Variants in DUSP29 observed in about 807,000 individuals in gnomAD.
DUSP29 encodes the protein dual specificity phosphatase 29, also known as atypical dual-specific protein phosphatase.
Under a neutral mutation model 13.5 loss-of-function variants are expected in DUSP29, and 12 were observed. That is an observed-to-expected ratio of 0.89 (90% CI 0.57 to 1.44). DUSP29 has a LOEUF of 1.44. Ranked by LOEUF, DUSP29 falls within the 40% of genes most tolerant of loss-of-function variation. The probability of loss-of-function intolerance (pLI) is 0.00; values close to 1 mark genes in which losing one functional copy is unlikely to be tolerated. For synonymous variants in DUSP29, 134 were observed against 128.7 expected (o/e 1.04, Z -0.28); for missense variants, 308 against 301.1 (o/e 1.02, Z -0.17).
chr10:75,051,349 T>C (rs1846824818), intron 2 of DUSP29, among the ~76,000 whole-genome samples: 1 of 152,218 alleles, frequency 6.6e-6, no homozygotes, highest in Non-Finnish European at 1.5e-5. Flanking sequence ...AGACATGTTT[T>C]GCTTGCATTA....
chr10:75,039,909 G>A (rs1846548875), intron 3 of DUSP29, among the ~76,000 whole-genome samples: 2 of 152,172 alleles, frequency 1.3e-5, no homozygotes, highest in African/African-American at 2.4e-5. Flanking sequence ...GCTGGGCGTG[G>A]TGGCTCATGC....
Position 75,038,028 on chromosome 10 carries a change from C to T in DUSP29, c.471G>A (p.Leu157=). ...TGTGGATCATCAGGTAGGCCAGGAC[C>T]AGGGTGGCTGACCGGCTGCGGCCCA... The part of the protein sequence containing the change: ...CVMGRSRSAT[L]VLAYLMIHKD... Residue 157 remains leucine (L), a synonymous_variant, in exon 4 of 4, where the codon CTG becomes CTA. Transcript: ENST00000338487. 1 of 1,613,920 alleles carries T rather than the reference C, an allele frequency of 6.2e-7. No homozygotes were observed. Among genetic ancestry groups the T allele is most frequent in the Non-Finnish European group, 8.5e-7 (1 of 1,180,018 alleles).
chr10:75,042,232 C>T (rs556460457), intron 3 of DUSP29, among the ~76,000 whole-genome samples: 1 of 152,358 alleles, frequency 6.6e-6, no homozygotes, highest in South Asian at 2.1e-4. Context: ...GAAATCACAT[C>T]GTTAGTAAAT....
chr10:75,053,279 C>G (rs1273000519), intron 2 of DUSP29, among the ~76,000 whole-genome samples: 1 of 152,204 alleles, frequency 6.6e-6, no homozygotes, highest in Non-Finnish European at 1.5e-5. Context: ...CTGCTTTTCT[C>G]ACCTCTGTAG....
chr10:75,059,887 G>A lies in DUSP29; in HGVS notation c.-34-1339C>T, dbSNP rs186707492. 1.5e-4 allele frequency among the ~76,000 whole-genome samples: 23 copies of A among 152,282 alleles called. 1 individual carries two copies. The highest frequency in any genetic ancestry group is 3.9e-4 in the Admixed American group (6 of 15,298). On this transcript the variant is annotated intron_variant, in intron 1 of 3. Transcript: ENST00000338487. Reference sequence around the variant, plus strand: ...CATAATAATACTGAAGGCCAGGCGCGGTGGCTCATGCCTGTAATCCCAGCA... The same window carrying A: ...CATAATAATACTGAAGGCCAGGCGCAGTGGCTCATGCCTGTAATCCCAGCA...
At chr10:75,063,927 A>C (rs1268139126) in intron 1 of DUSP29, among the ~76,000 whole-genome samples, 1 of 152,206 alleles carries the variant, frequency 6.6e-6, no homozygotes, top group Non-Finnish European at 1.5e-5. Context: ...ATAACAGAAG[A>C]TGCAAGAGGC....
At chr10:75,066,765 G>A (rs547598226) in intron 1 of DUSP29, among the ~76,000 whole-genome samples, 5 of 151,974 alleles carry the variant, frequency 3.3e-5, no homozygotes, top group Non-Finnish European at 4.4e-5. Flanking sequence ...CAGTGGCACC[G>A]AGTGCCTCCT....
intron 2 of DUSP29, among the ~76,000 whole-genome samples, chr10:75,052,154 G>A (rs368903431): frequency 4.6e-5 from 7 of 152,122 alleles, no homozygotes; most frequent in East Asian, 1.9e-4. Context: ...TCTAGCACTC[G>A]ATTAACTAGA....
chr10:75,069,547 C>T (rs1238405037), intron 1 of DUSP29, among the ~76,000 whole-genome samples: 1 of 152,182 alleles, frequency 6.6e-6, no homozygotes, highest in Non-Finnish European at 1.5e-5. Context: ...ACTTCCTGTC[C>T]AGGCCACTTA....
intron 3 of DUSP29, among the ~76,000 whole-genome samples, chr10:75,041,172 G>T (rs1289457123): frequency 6.6e-6 from 1 of 152,158 alleles, no homozygotes; most frequent in African/African-American, 2.4e-5. Context: ...AGACACAACT[G>T]CATGTGGCAG....
chr10:75,041,176 G>A lies in DUSP29; in HGVS notation c.421+2621C>T, dbSNP rs902588270. On this transcript the variant is annotated intron_variant, in intron 3 of 3. Transcript: ENST00000338487. ...GTCCCTTGCCTAGACACAACTGCATGTGGCAGGTGGGCTGAGCACCTGCCG... is the reference window on the plus strand; with the variant it reads ...GTCCCTTGCCTAGACACAACTGCATATGGCAGGTGGGCTGAGCACCTGCCG... Among the ~76,000 whole-genome samples the A allele has an allele frequency of 3.3e-5, 5 of 152,322 alleles. No individual in the cohort carries two copies. The South Asian group carries it at 1.0e-3, about 32-fold the overall frequency.
chr10:75,043,660 C>A, intron 3 of DUSP29, 137 bp downstream of exon 3: 1 of 873,986 alleles, frequency 1.1e-6, no homozygotes, highest in South Asian at 1.8e-5. Flanking sequence ...GACGGGGAAA[C>A]CTTGGGCTAA....
At position 75,058,325 on chromosome 10, in the gene DUSP29, T is replaced by C. The variant is rs1417228518; in HGVS notation, c.190A>G (p.Ile64Val). The change falls in exon 2 of 4, where the codon ATT becomes GTT. Residue 64 changes from isoleucine (I) to valine (V), a missense_variant. By Grantham distance (29) the Ile-to-Val change is conservative. Coordinates refer to ENST00000338487, the MANE Select transcript of DUSP29 (RefSeq NM_001003892.3). ...GGCCTGGGCACTTACTCATCGCCAATGTAGAGCTTGGGCCAGACCTCGTTG... is the reference window on the plus strand; with the variant it reads ...GGCCTGGGCACTTACTCATCGCCAACGTAGAGCTTGGGCCAGACCTCGTTG... Reference protein sequence around the residue: ...HVNEVWPKLYIGDEATALDRY... With the variant: ...HVNEVWPKLYVGDEATALDRY... 12 of 1,613,554 alleles carry C rather than the reference T, an allele frequency of 7.4e-6. No individual in the cohort carries two copies. Among genetic ancestry groups the C allele is most frequent in the Non-Finnish European group, 9.3e-6 (11 of 1,179,700 alleles).
At position 75,068,573 on chromosome 10, in the gene DUSP29, G is replaced by A. The variant is rs530197235; in HGVS notation, c.-35+4996C>T. ...ATGTTTCTAAAGCATGGCGCTCATGGGGAAAGCTGGTCTGTGTTTAAGTGC... is the reference window on the plus strand; with the variant it reads ...ATGTTTCTAAAGCATGGCGCTCATGAGGAAAGCTGGTCTGTGTTTAAGTGC... On this transcript the variant is annotated intron_variant, in intron 1 of 3. Coordinates refer to ENST00000338487, the MANE Select transcript of DUSP29 (RefSeq NM_001003892.3). Among the ~76,000 whole-genome samples the A allele has an allele frequency of 2.0e-5, 3 of 152,250 alleles. No homozygotes were observed. In the East Asian group the frequency reaches 5.8e-4, roughly 29 times the overall value.
chr10:75,051,760 C>A (rs1044832584), intron 2 of DUSP29, among the ~76,000 whole-genome samples: 1 of 152,230 alleles, frequency 6.6e-6, no homozygotes, highest in Non-Finnish European at 1.5e-5. Context: ...GCATGAGGAA[C>A]CAGCTTGGAG....
At chr10:75,048,735 A>G (rs1846757846) in intron 2 of DUSP29, among the ~76,000 whole-genome samples, 1 of 152,138 alleles carries the variant, frequency 6.6e-6, no homozygotes, top group Admixed American at 6.5e-5. Context: ...CAGTGGGCAC[A>G]TTTCTGGCAT....
chr10:75,049,382 T>C (rs141978691), intron 2 of DUSP29, among the ~76,000 whole-genome samples: 19 of 152,212 alleles, frequency 1.2e-4, no homozygotes, highest in African/African-American at 4.1e-4. Flanking sequence ...TGAGAAATGA[T>C]GTCGTGTGAG....
Position 75,058,361 on chromosome 10 carries a change from A to T in DUSP29, c.154T>A (p.Tyr52Asn). ...GGCCAGACCTCGTTGACGTGGGTGTACTGGGGACTGCCCTTCCAGAAGAGC... is the reference window on the plus strand; with the variant it reads ...GGCCAGACCTCGTTGACGTGGGTGTTCTGGGGACTGCCCTTCCAGAAGAGC... ...ERLFWKGSPQ[Y>N]THVNEVWPKL... The change falls in exon 2 of 4, where the codon TAC (tyrosine) becomes AAC (asparagine). Residue 52 changes from tyrosine to asparagine, a missense_variant. Tyr to Asn is a moderately radical substitution (Grantham distance 143). Coordinates refer to ENST00000338487, the MANE Select transcript of DUSP29 (RefSeq NM_001003892.3). 1 of 1,614,146 alleles carries T rather than the reference A, an allele frequency of 6.2e-7. No individual in the cohort carries two copies. The highest frequency in any genetic ancestry group is 1.3e-5 in the African/African-American group (1 of 75,054).
At chr10:75,044,290 G>T (rs973712706) in intron 2 of DUSP29, among the ~76,000 whole-genome samples, 2 of 152,074 alleles carry the variant, frequency 1.3e-5, no homozygotes, top group African/African-American at 4.8e-5. Context: ...TCATCATTCA[G>T]TATACACAGC....
Sources: gnomAD v4.1 joint callset for allele counts (sites outside exome capture counted in the v4.1 genomes callset) on GRCh38, gnomAD v4.1.1 for gene constraint, MANE v1.5 for transcripts, NCBI Gene and HGNC (gene_info 2026-07-23, HGNC 2026-07-21) for gene names.